LHFPL6: variants seen among roughly 807,000 people sequenced by gnomAD.
LHFPL6 encodes LHFPL tetraspan subfamily member 6 protein.
Under a neutral mutation model 20.6 loss-of-function variants are expected in LHFPL6, and 9 were observed. The ratio of observed to expected loss-of-function variants is 0.44; its 90% CI spans 0.26 to 0.76. LHFPL6 has a LOEUF of 0.76. Ranked by LOEUF, LHFPL6 falls within the 30% of genes least tolerant of loss-of-function variation. The probability of loss-of-function intolerance (pLI) is 0.20; values close to 1 mark genes in which losing one functional copy is unlikely to be tolerated. For synonymous variants in LHFPL6, 105 were observed against 98.7 expected, an observed-to-expected ratio of 1.06 and a Z score of -0.38; for missense variants, 218 against 253.5, an observed-to-expected ratio of 0.86 and a Z score of 0.95.
chr13:39,356,100 G>A (rs1869718775), intron 3 of LHFPL6, among the ~76,000 whole-genome samples: 1 of 152,190 alleles, frequency 6.6e-6, no homozygotes, highest in East Asian at 1.9e-4. Context: ...AGGAACATAT[G>A]CTAAGATTGA....
intron 3 of LHFPL6, among the ~76,000 whole-genome samples, chr13:39,356,046 C>G (rs996542172): frequency 7.2e-5 from 11 of 152,206 alleles, no homozygotes; most frequent in African/African-American, 2.4e-4. Flanking sequence ...CTAACAGACA[C>G]CTGCAGAATA....
chr13:39,545,669 C>T (rs546837986), intron 2 of LHFPL6, among the ~76,000 whole-genome samples: 4 of 152,066 alleles, frequency 2.6e-5, no homozygotes, highest in African/African-American at 9.7e-5. Flanking sequence ...TTTGAATATA[C>T]CCTACATACA....
intron 2 of LHFPL6, among the ~76,000 whole-genome samples, chr13:39,428,931 A>G (rs1374225430): frequency 9.2e-5 from 14 of 152,160 alleles, no homozygotes; most frequent in Admixed American, 9.2e-4. Flanking sequence ...CTTACGGGCT[A>G]TTTAGAAATG....
chr13:39,356,609 T>TA, intron 3 of LHFPL6, among the ~76,000 whole-genome samples: 1 of 152,300 alleles, frequency 6.6e-6, no homozygotes. Context: ...ACATGATAGA[T>TA]AGACTGCTAG....
chr13:39,413,493 C>T (rs1484551628), intron 2 of LHFPL6, among the ~76,000 whole-genome samples: 1 of 149,020 alleles, frequency 6.7e-6, no homozygotes, highest in African/African-American at 2.5e-5. Flanking sequence ...CTATGTTGCC[C>T]AGGCTGGCCT....
At chr13:39,560,909 C>A (rs775843206) in intron 2 of LHFPL6, among the ~76,000 whole-genome samples, 4 of 152,144 alleles carry the variant, frequency 2.6e-5, no homozygotes, top group Non-Finnish European at 4.4e-5. Context: ...AACCTCAAGA[C>A]TCCCTGCTGA....
chr13:39,504,121 G>A (rs1869388712), intron 2 of LHFPL6, among the ~76,000 whole-genome samples: 1 of 152,072 alleles, frequency 6.6e-6, no homozygotes, highest in Non-Finnish European at 1.5e-5. Flanking sequence ...GTGAGTCACC[G>A]GAAGGATCAC....
At chr13:39,348,014 G>A (rs1869454427) in intron 3 of LHFPL6, among the ~76,000 whole-genome samples, 1 of 152,224 alleles carries the variant, frequency 6.6e-6, no homozygotes, top group African/African-American at 2.4e-5. Context: ...AACAGTGTAT[G>A]TGACAGTAGA....
intron 2 of LHFPL6, among the ~76,000 whole-genome samples, chr13:39,563,436 G>T (rs7985865): frequency 6.6e-6 from 1 of 152,116 alleles, no homozygotes; most frequent in Non-Finnish European, 1.5e-5. Context: ...ATTCCTAAGT[G>T]ACTAGAATAC....
chr13:39,549,321 AC>A (rs1204199426), intron 2 of LHFPL6, among the ~76,000 whole-genome samples: 1 of 152,162 alleles, frequency 6.6e-6, no homozygotes, highest in East Asian at 1.9e-4. Context: ...CAGACAAAAA[AC>A]AACCTTGACT....
intron 2 of LHFPL6, among the ~76,000 whole-genome samples, chr13:39,451,882 A>G (rs1465290952): frequency 6.6e-6 from 1 of 152,212 alleles, no homozygotes; most frequent in Non-Finnish European, 1.5e-5. Context: ...ATCTAAGCAT[A>G]GTAATAAAAC....
At chr13:39,583,589 T>C (rs142198050) in intron 2 of LHFPL6, among the ~76,000 whole-genome samples, 95 of 152,264 alleles carry the variant, frequency 6.2e-4, no homozygotes, top group African/African-American at 2.1e-3. Context: ...TCTTTCCAAA[T>C]TACAATAATG....
Position 39,511,895 on chromosome 13 carries a change from T to C in LHFPL6, c.385+88937A>G, listed in dbSNP as rs1471232063. Among the ~76,000 whole-genome samples the C allele has an allele frequency of 2.6e-5, 4 of 152,196 alleles. No homozygotes were observed. In the East Asian group the frequency reaches 5.8e-4, roughly 22 times the overall value. ...ATCCTCACATAGGCACCCTCCATTG[T>C]AGCTTCCTATCATTCACTCAGGATT... On this transcript the variant is annotated intron_variant, in intron 2 of 3. Coordinates refer to ENST00000379589, the MANE Select transcript of LHFPL6 (RefSeq NM_005780.3).
intron 2 of LHFPL6, among the ~76,000 whole-genome samples, chr13:39,439,469 CT>C (rs1204563755): frequency 6.6e-6 from 1 of 151,960 alleles, no homozygotes. Flanking sequence ...TGAGTTGAGA[CT>C]TTGGGGGACT....
chr13:39,540,875 A>C (rs1007220422), intron 2 of LHFPL6, among the ~76,000 whole-genome samples: 25 of 152,194 alleles, frequency 1.6e-4, no homozygotes, highest in Non-Finnish European at 3.4e-4. Flanking sequence ...GCATTTAGAA[A>C]CATTTTTTCT....
intron 2 of LHFPL6, among the ~76,000 whole-genome samples, chr13:39,502,497 T>C (rs1869327038): frequency 6.7e-6 from 1 of 150,270 alleles, no homozygotes; most frequent in Non-Finnish European, 1.5e-5. Context: ...GTGGCGCGCC[T>C]GTGGTTCCAG....
chr13:39,542,975 T>C (rs1256056274), intron 2 of LHFPL6, among the ~76,000 whole-genome samples: 1 of 152,170 alleles, frequency 6.6e-6, no homozygotes, highest in East Asian at 1.9e-4. Flanking sequence ...TTTTTCATCT[T>C]CCCAAATGGA....
At chr13:39,357,814 A>G (rs751194226) in intron 3 of LHFPL6, among the ~76,000 whole-genome samples, 1 of 152,238 alleles carries the variant, frequency 6.6e-6, no homozygotes, top group Non-Finnish European at 1.5e-5. Context: ...CTACAAAAAG[A>G]ACTACAAAAT....
intron 2 of LHFPL6, among the ~76,000 whole-genome samples, chr13:39,522,754 C>A (rs1439523784): frequency 6.6e-6 from 1 of 152,218 alleles, no homozygotes; most frequent in Non-Finnish European, 1.5e-5. Flanking sequence ...CCCAGACAGG[C>A]AACCACAAGA....
Sources: allele counts gnomAD v4.1 joint callset (sites outside exome capture counted in the v4.1 genomes callset), GRCh38; gene constraint gnomAD v4.1.1; transcripts MANE v1.5; gene names NCBI Gene and HGNC (gene_info 2026-07-23, HGNC 2026-07-21).